The following ZNF57 variants were observed in gnomAD, a reference collection of about 807,000 sequenced individuals.
ZNF57 encodes the protein zinc finger protein 57.
ZNF57 carries 11 observed loss-of-function variants against 13.4 expected under a neutral mutation model. That is an observed-to-expected ratio of 0.82 (90% confidence interval 0.52 to 1.36). The LOEUF is 1.36. Ranked by LOEUF, ZNF57 falls within the 40% of genes most tolerant of loss-of-function variation. ZNF57 has a pLI of 0.00. For synonymous variants in ZNF57, 224 were observed against 238.5 expected (o/e 0.94, Z 0.56); for missense variants, 696 against 667.5 (o/e 1.04, Z -0.47).
chr19:2,916,131 G>A lies in ZNF57; in HGVS notation c.184G>A (p.Gly62Arg), dbSNP rs779600734. Residue 62 changes from glycine (G) to arginine (R), a missense_variant, in exon 3 of 4, where the codon GGG becomes AGG. Coordinates refer to ENST00000306908, the MANE Select transcript of ZNF57 (RefSeq NM_173480.3). ...GTCAGTTTCTCTGCAGGATATGTAC[G>A]GGCAAGAAAAATCTAAGGAACAGAC... ...NGSVSLQDMY[G>R]QEKSKEQTIP... 2.3e-5 allele frequency: 37 copies of A among 1,613,622 alleles called. No individual in the cohort carries two copies. Among genetic ancestry groups the A allele is most frequent in the East Asian group, 6.7e-5 (3 of 44,866 alleles).
In ZNF57 at chr19:2,910,670, C is replaced by G. The variant is rs143821659; in HGVS notation, c.4-4852C>G. Reference sequence around the variant, plus strand: ...AGAGACAGGGTTTCACCATGTTAGCCACGATGGTCTCAATCTCCTGACATC... The same window carrying G: ...AGAGACAGGGTTTCACCATGTTAGCGACGATGGTCTCAATCTCCTGACATC... On this transcript the variant is annotated intron_variant, in intron 1 of 3. Transcript: ENST00000306908. 4.5e-4 allele frequency among the ~76,000 whole-genome samples: 50 copies of G among 111,392 alleles called. 11 individuals are homozygous for G. Among genetic ancestry groups the G allele is most frequent in the African/African-American group, 1.6e-3 (50 of 31,170 alleles). 73.1% of individuals were successfully genotyped at this position (111,392 alleles called of 152,430 possible). A position where few individuals can be genotyped will look rare whatever the true frequency, so the allele number is the denominator to read the frequency against.
chr19:2,905,405 T>C (rs1599596074), intron 1 of ZNF57, among the ~76,000 whole-genome samples: 4 of 47,550 alleles, frequency 8.4e-5, no homozygotes, highest in African/African-American at 2.7e-4. Context: ...CTTCAGGTGA[T>C]CGCCCCCCCC....
In ZNF57 at chr19:2,901,003, GCCACGGAGAGCTCGC is replaced by G; in HGVS notation, c.-41_-27del. ...ACCTTTCAGCTGCGCCGGCCGCGAGGCCACGGAGAGCTCGCCTTGGAGAGCCCAGGAGCAGGGGAG... is the reference window on the plus strand; with the variant it reads ...ACCTTTCAGCTGCGCCGGCCGCGAGGCTTGGAGAGCCCAGGAGCAGGGGAG... On this transcript the variant is annotated 5_prime_UTR_variant, in exon 1 of 4. Transcript: ENST00000306908. The G allele has an allele frequency of 6.4e-7, 1 of 1,552,984 alleles. No homozygotes were observed. Among genetic ancestry groups the G allele is most frequent in the Non-Finnish European group, 8.7e-7 (1 of 1,147,500 alleles).
At chr19:2,910,457 C>CTT (rs1212426647) in intron 1 of ZNF57, among the ~76,000 whole-genome samples, 4 of 8,654 alleles carry the variant, frequency 4.6e-4, no homozygotes, top group Non-Finnish European at 6.3e-4. Context: ...CTTTTCTTTT[C>CTT]TTTTTTTTTT....
In ZNF57 at chr19:2,915,623, G is replaced by T. The variant is rs1411437096; in HGVS notation, c.105G>T (p.Glu35Asp). ...ACCTCTACAGAGATGTGATGCTGGA[G>T]ACCTTCCGGAACCTGGCCTCAGTAG... ...QRDLYRDVML[E>D]TFRNLASVDD... The change falls in exon 2 of 4, where the codon GAG becomes GAT. Residue 35 changes from glutamate to aspartate, a missense_variant. Glu to Asp is a conservative substitution (Grantham distance 45). Coordinates refer to ENST00000306908, the MANE Select transcript of ZNF57 (RefSeq NM_173480.3). 11 of 1,613,830 alleles carry T rather than the reference G, an allele frequency of 6.8e-6. No individual in the cohort carries two copies. Among genetic ancestry groups the T allele is most frequent in the Non-Finnish European group, 9.3e-6 (11 of 1,179,878 alleles).
chr19:2,917,249 T>TA lies in ZNF57; in HGVS notation c.629dup (p.Tyr210Ter), dbSNP rs2088211984. 2.5e-6 allele frequency: 4 copies of TA among 1,614,194 alleles called. No individual in the cohort carries two copies. The highest frequency in any genetic ancestry group is 3.4e-6 in the Non-Finnish European group (4 of 1,180,026). Residue 210 changes from tyrosine to a stop codon, truncating the protein, a stop_gained and frameshift_variant, in exon 4 of 4, where the codon TAC becomes TAAC. Coordinates refer to ENST00000306908, the MANE Select transcript of ZNF57 (RefSeq NM_173480.3). LOFTEE classifies it low-confidence loss of function (END_TRUNC). The part of the protein sequence containing the change: ...ACGQTFQHPR[Y>*]LSHHVKTHTA... ...TGGGCAAACTTTCCAACATCCTCGT[T>TA]ACCTCTCCCACCACGTAAAGACTCA...
chr19:2,910,995 T>A (rs1652081869), intron 1 of ZNF57, among the ~76,000 whole-genome samples: 1 of 152,002 alleles, frequency 6.6e-6, no homozygotes, highest in Non-Finnish European at 1.5e-5. Flanking sequence ...TTTTGTGTGA[T>A]TCCATTTTTT....
At chr19:2,903,252 C>T (rs1053710942) in intron 1 of ZNF57, among the ~76,000 whole-genome samples, 1 of 151,986 alleles carries the variant, frequency 6.6e-6, no homozygotes, top group African/African-American at 2.4e-5. Flanking sequence ...CACTGTGTCT[C>T]CCAGGCTGGA....
chr19:2,905,670 C>G (rs934433377), intron 1 of ZNF57, among the ~76,000 whole-genome samples: 49 of 149,324 alleles, frequency 3.3e-4, no homozygotes, highest in African/African-American at 1.0e-3. Flanking sequence ...GAGGCTGAGG[C>G]TGGAGAATGG....
chr19:2,907,393 C>T (rs903826995), intron 1 of ZNF57, among the ~76,000 whole-genome samples: 30 of 152,144 alleles, frequency 2.0e-4, no homozygotes, highest in Non-Finnish European at 3.1e-4. Context: ...CCTGGCTCTT[C>T]CGAAAGCGCA....
At chr19:2,916,380 T>C (rs1003102907) in intron 3 of ZNF57, 131 bp downstream of exon 3, 6 of 765,682 alleles carry the variant, frequency 7.8e-6, no homozygotes, top group Non-Finnish European at 1.2e-5. Context: ...AATTTGTATT[T>C]GACTAAGACA....
intron 1 of ZNF57, among the ~76,000 whole-genome samples, chr19:2,903,569 G>A (rs937793041): frequency 1.3e-5 from 2 of 152,008 alleles, no homozygotes; most frequent in South Asian, 4.2e-4. Flanking sequence ...ATAGGCCTCC[G>A]GCCTCTCTTC....
Position 2,917,744 on chromosome 19 carries a change from T to C in ZNF57, c.1123T>C (p.Trp375Arg), listed in dbSNP as rs767227889. 1 of 1,613,676 alleles carries C rather than the reference T, an allele frequency of 6.2e-7. No homozygotes were observed. ...TAAACAATGTGGGAAAGCCTTCACT[T>C]GGTCCTCAACGTTTAGAGAACATGT... Reference protein sequence around the residue: ...ECKQCGKAFTWSSTFREHVRI... With the variant: ...ECKQCGKAFTRSSTFREHVRI... Residue 375 changes from tryptophan to arginine, a missense_variant, in exon 4 of 4, where the codon TGG becomes CGG. Trp to Arg is a moderately radical substitution (Grantham distance 101). Coordinates refer to ENST00000306908, the MANE Select transcript of ZNF57 (RefSeq NM_173480.3).
chr19:2,906,620 A>G (rs1207965419), intron 1 of ZNF57, among the ~76,000 whole-genome samples: 1 of 152,202 alleles, frequency 6.6e-6, no homozygotes, highest in Non-Finnish European at 1.5e-5. Flanking sequence ...CCAAAGCCAC[A>G]CGGTCATCTG....
chr19:2,918,427 G>C lies in ZNF57; in HGVS notation c.*138G>C, dbSNP rs1364120536. ...CCTCATTTGTAAAACAGACCCATTAGTCGTGAATTTCCAGCTCTTTCAAAA... is the reference window on the plus strand; with the variant it reads ...CCTCATTTGTAAAACAGACCCATTACTCGTGAATTTCCAGCTCTTTCAAAA... On this transcript the variant is annotated 3_prime_UTR_variant, in exon 4 of 4. Coordinates refer to ENST00000306908, the MANE Select transcript of ZNF57 (RefSeq NM_173480.3). 1 of 925,896 alleles carries C rather than the reference G, an allele frequency of 1.1e-6. No individual in the cohort carries two copies. The highest frequency in any genetic ancestry group is 1.7e-5 in the African/African-American group (1 of 59,684). The allele number at this position is 925,896 out of a possible 1,614,324, so 57.4% of individuals were successfully genotyped here.
At chr19:2,915,354 A>G (rs1362124160) in intron 1 of ZNF57, 168 bp from the exon 2 acceptor site, 28 of 844,152 alleles carry the variant, frequency 3.3e-5, no homozygotes, top group East Asian at 1.4e-4. Flanking sequence ...TAGTGGTGCC[A>G]TGAAGTTTAC....
At chr19:2,902,923 A>G (rs1363473963) in intron 1 of ZNF57, among the ~76,000 whole-genome samples, 1 of 152,170 alleles carries the variant, frequency 6.6e-6, no homozygotes, top group Admixed American at 6.6e-5. Context: ...TTTAAAGTGT[A>G]GCACCTGGAG....
chr19:2,904,500 CCCAG>C (rs2144918779), intron 1 of ZNF57, among the ~76,000 whole-genome samples: 1 of 152,236 alleles, frequency 6.6e-6, no homozygotes, highest in South Asian at 2.1e-4. Context: ...CACCACCACA[CCCAG>C]CCAAAGTTTT....
intron 1 of ZNF57, among the ~76,000 whole-genome samples, chr19:2,910,549 C>T (rs2088122448): frequency 1.0e-5 from 1 of 96,034 alleles, no homozygotes; most frequent in African/African-American, 3.4e-5. Context: ...CAAGCGCCGC[C>T]TCCTGGGTTC....
Sources: allele counts gnomAD v4.1 joint callset (sites outside exome capture counted in the v4.1 genomes callset), GRCh38; gene constraint gnomAD v4.1.1; transcripts MANE v1.5; gene names NCBI Gene and HGNC (gene_info 2026-07-23, HGNC 2026-07-21).